SPSB1: variants seen among roughly 807,000 people sequenced by gnomAD.
SPSB1 encodes the protein splA/ryanodine receptor domain and SOCS box containing 1, also known as SPRY domain-containing SOCS box protein 1.
In SPSB1, 8 loss-of-function variants were observed where a neutral mutation model predicts 21.2. That is an observed-to-expected ratio of 0.38 (90% CI 0.22 to 0.68). The LOEUF is 0.68. Ranked by LOEUF, SPSB1 falls within the 30% of genes least tolerant of loss-of-function variation. The probability of loss-of-function intolerance (pLI) is 0.53; values close to 1 mark genes in which losing one functional copy is unlikely to be tolerated. For missense variants in SPSB1, 242 were observed against 377.8 expected (o/e 0.64, Z 2.98); for synonymous variants, 169 against 161.7 (o/e 1.05, Z -0.34).
chr1:9,359,617 G>T (rs1218634376), intron 2 of SPSB1, among the ~76,000 whole-genome samples: 2 of 151,114 alleles, frequency 1.3e-5, no homozygotes, highest in Non-Finnish European at 2.9e-5. Flanking sequence ...CAGGAGAATT[G>T]CTTGAACCCG....
At position 9,356,536 on chromosome 1, in the gene SPSB1, C is replaced by A; in HGVS notation, c.645C>A (p.Ala215=). 1.2e-6 allele frequency: 2 copies of A among 1,605,000 alleles called. No homozygotes were observed. The highest frequency in any genetic ancestry group is 1.7e-6 in the Non-Finnish European group (2 of 1,172,748). Residue 215 remains alanine (A), a synonymous_variant, in exon 2 of 3, where the codon GCC becomes GCA. Coordinates refer to ENST00000328089, the MANE Select transcript of SPSB1 (RefSeq NM_025106.4). The surrounding 1 kb of genome is among the most constrained non-coding windows in gnomAD (Gnocchi z 7.4). ...KGKKLYPVVS[A]VWGHCEIRMR... ...AAAAACTGTATCCTGTAGTGAGTGCCGTCTGGGGCCACTGTGAGATCCGAA... is the reference window on the plus strand; with the variant it reads ...AAAAACTGTATCCTGTAGTGAGTGCAGTCTGGGGCCACTGTGAGATCCGAA...
intron 1 of SPSB1, among the ~76,000 whole-genome samples, chr1:9,322,058 G>A (rs919517251): frequency 1.3e-5 from 2 of 152,098 alleles, no homozygotes; most frequent in African/African-American, 4.8e-5. Context: ...ATGTAAATAT[G>A]TGCACTCCCC....
rs1284050331 is a variant in SPSB1 at position 9,321,124 on chromosome 1, GAAAA to G, written c.-150+28054_-150+28057del. Among the ~76,000 whole-genome samples, 1 of 151,172 alleles carries G rather than the reference GAAAA, an allele frequency of 6.6e-6. No individual in the cohort carries two copies. The highest frequency in any genetic ancestry group is 2.4e-5 in the African/African-American group (1 of 40,984). The stretch of plus-strand genomic sequence containing the variant: ...TTTCCTTCTACCCCTCCCCCGAAAA[GAAAA>G]CAACAACCAAAAAATCCCCCCAAAA... On this transcript the variant is annotated intron_variant, in intron 1 of 2. Transcript: ENST00000328089. The surrounding 1 kb of genome is among the most constrained non-coding windows in gnomAD (Gnocchi z 4.8).
chr1:9,295,414 A>C (rs1639205173), intron 1 of SPSB1, among the ~76,000 whole-genome samples: 1 of 152,216 alleles, frequency 6.6e-6, no homozygotes, highest in Admixed American at 6.5e-5. Flanking sequence ...TGCCGGCTTA[A>C]GAGAGACCTG....
chr1:9,356,301 A>G lies in SPSB1; in HGVS notation c.410A>G (p.His137Arg). ...TACACAACCCTCGTGGGGAATAACC[A>G]CGAGTCCTGGGGCTGGGACTTGGGG... ...VGYTTLVGNN[H>R]ESWGWDLGRN... The change falls in exon 2 of 3, where the codon CAC (histidine) becomes CGC (arginine). Residue 137 changes from histidine (H) to arginine (R), a missense_variant. Coordinates refer to ENST00000328089, the MANE Select transcript of SPSB1 (RefSeq NM_025106.4). This position sits in a 1 kb window ranked among gnomAD's most constrained non-coding sequence, Gnocchi z 7.4. 1 of 1,613,684 alleles carries G rather than the reference A, an allele frequency of 6.2e-7. No homozygotes were observed. Among genetic ancestry groups the G allele is most frequent in the Non-Finnish European group, 8.5e-7 (1 of 1,180,020 alleles).
intron 1 of SPSB1, among the ~76,000 whole-genome samples, chr1:9,307,357 AT>A (rs1479771988): frequency 2.0e-5 from 3 of 152,210 alleles, no homozygotes; most frequent in South Asian, 2.1e-4. Context: ...AACCATCTTC[AT>A]CCCGCCGGAA....
chr1:9,307,075 G>A (rs185013916), intron 1 of SPSB1, among the ~76,000 whole-genome samples: 16 of 151,856 alleles, frequency 1.1e-4, no homozygotes, highest in African/African-American at 2.2e-4. Context: ...TTACAGGCAC[G>A]TGCCACCACG....
chr1:9,342,911 A>C (rs1454121822), intron 1 of SPSB1, among the ~76,000 whole-genome samples: 1 of 152,240 alleles, frequency 6.6e-6, no homozygotes, highest in East Asian at 1.9e-4. Context: ...CCTTTTGTGT[A>C]ACCCTGGCTA....
At position 9,299,532 on chromosome 1, in the gene SPSB1, T is replaced by G. The variant is rs560347440; in HGVS notation, c.-150+6461T>G. Among the ~76,000 whole-genome samples the G allele has an allele frequency of 5.6e-3, 851 of 152,116 alleles. 4 individuals are homozygous for G. Among genetic ancestry groups the G allele is most frequent in the African/African-American group, 0.012 (488 of 41,498 alleles). The stretch of plus-strand genomic sequence containing the variant: ...TTTGCTCTTGTTGCCTAGGCTGGAG[T>G]GCAATGGTGCAATCTCGGCTCACTG... On this transcript the variant is annotated intron_variant, in intron 1 of 2. Transcript: ENST00000328089.
intron 1 of SPSB1, among the ~76,000 whole-genome samples, chr1:9,323,275 C>T (rs899840536): frequency 7.9e-5 from 12 of 152,322 alleles, no homozygotes; most frequent in Non-Finnish European, 1.3e-4. Flanking sequence ...CCCGCCGAGC[C>T]GAGGGGGGCT....
intron 1 of SPSB1, among the ~76,000 whole-genome samples, chr1:9,319,352 G>A (rs1033484002): frequency 2.6e-5 from 4 of 152,152 alleles, no homozygotes; most frequent in East Asian, 1.9e-4. Context: ...TCACCAAGGC[G>A]GGGAACACAC....
At position 9,293,100 on chromosome 1, in the gene SPSB1, G is replaced by T; in HGVS notation, c.-150+29G>T. 1.0e-6 allele frequency: 1 copy of T among 977,536 alleles called. No homozygotes were observed. Among genetic ancestry groups the T allele is most frequent in the South Asian group, 4.6e-5 (1 of 21,976 alleles). The allele number at this position is 977,536 out of a possible 1,614,324, so 60.6% of individuals were successfully genotyped here. A position where few individuals can be genotyped will look rare whatever the true frequency, so the allele number is the denominator to read the frequency against. On this transcript the variant is annotated intron_variant, in intron 1 of 2. Transcript: ENST00000328089. This position sits in a 1 kb window ranked among gnomAD's most constrained non-coding sequence, Gnocchi z 5.1. ...GGCGGCGCGGGGCACCTGGGACCCC[G>T]ATGGGTGGGCGACCGGCCCGGGAGG... is the stretch of plus-strand genomic sequence containing the variant.
chr1:9,354,581 G>A lies in SPSB1; in HGVS notation c.-149-1162G>A, dbSNP rs142700342. Among the ~76,000 whole-genome samples the A allele has an allele frequency of 8.2e-4, 125 of 152,234 alleles. 2 individuals are homozygous for A. The highest frequency in any genetic ancestry group is 2.9e-3 in the African/African-American group (122 of 41,530). ...CCTGGCCAGCACTTTGGGAGGCCAA[G>A]CCGGGTGGATCACCTGAGGTCAGGA... On this transcript the variant is annotated intron_variant, in intron 1 of 2. Coordinates refer to ENST00000328089, the MANE Select transcript of SPSB1 (RefSeq NM_025106.4).
chr1:9,360,692 C>A (rs949852599), intron 2 of SPSB1, among the ~76,000 whole-genome samples: 1 of 152,204 alleles, frequency 6.6e-6, no homozygotes, highest in African/African-American at 2.4e-5. Flanking sequence ...CTCTCCGTGG[C>A]CCCTCCTCTT....
rs1271678773 is a variant in SPSB1, at chr1:9,356,843, ATGAT to A, written c.694+261_694+264del. 2.0e-5 allele frequency among the ~76,000 whole-genome samples: 3 copies of A among 152,150 alleles called. No homozygotes were observed. Among genetic ancestry groups the A allele is most frequent in the East Asian group, 1.9e-4 (1 of 5,186 alleles). On this transcript the variant is annotated intron_variant, in intron 2 of 2. Coordinates refer to ENST00000328089, the MANE Select transcript of SPSB1 (RefSeq NM_025106.4). This position sits in a 1 kb window ranked among gnomAD's most constrained non-coding sequence, Gnocchi z 7.4. ...GGATGATGAATGAATAGATGGATGA[ATGAT>A]TGGTTGGATGGATGGATGATGAATA...
At chr1:9,339,450 C>G (rs571852515) in intron 1 of SPSB1, among the ~76,000 whole-genome samples, 1 of 152,130 alleles carries the variant, frequency 6.6e-6, no homozygotes, top group South Asian at 2.1e-4. Flanking sequence ...TGCTCTGAGA[C>G]GGCTGCAGTG....
rs1009122660 is a variant in SPSB1, at chr1:9,293,732, G to A, written c.-150+661G>A. 6.6e-6 allele frequency among the ~76,000 whole-genome samples: 1 copy of A among 152,194 alleles called. No individual in the cohort carries two copies. The highest frequency in any genetic ancestry group is 2.4e-5 in the African/African-American group (1 of 41,458). On this transcript the variant is annotated intron_variant, in intron 1 of 2. Transcript: ENST00000328089. The surrounding 1 kb of genome is among the most constrained non-coding windows in gnomAD (Gnocchi z 5.1). ...GGCCTGGGCCCGCGGGAGGAACCGC[G>A]GATGGGTCACCGTCCCCGGGCGTGT... is the stretch of plus-strand genomic sequence containing the variant.
At chr1:9,298,250 T>C (rs933262159) in intron 1 of SPSB1, among the ~76,000 whole-genome samples, 16 of 152,210 alleles carry the variant, frequency 1.1e-4, no homozygotes, top group African/African-American at 3.6e-4. Context: ...AGCAGAAACT[T>C]ACAGGTCAAA....
chr1:9,361,151 AT>A (rs1640466435), intron 2 of SPSB1, among the ~76,000 whole-genome samples: 2 of 66,158 alleles, frequency 3.0e-5, no homozygotes, highest in African/African-American at 1.5e-4. Flanking sequence ...TGGATCTGTC[AT>A]TTTCTTTTTT....
Sources: allele counts gnomAD v4.1 joint callset (sites outside exome capture counted in the v4.1 genomes callset), GRCh38; gene constraint gnomAD v4.1.1; non-coding constraint Gnocchi (gnomAD v3.1); transcripts MANE v1.5; gene names NCBI Gene and HGNC (gene_info 2026-07-23, HGNC 2026-07-21).